The following SI variants were observed in gnomAD, a reference collection of about 807,000 sequenced individuals.
The protein encoded by SI is sucrase-isomaltase.
In SI, 235 loss-of-function variants were observed where a neutral mutation model predicts 253.3. The ratio of observed to expected loss-of-function variants is 0.93; its 90% CI spans 0.83 to 1.03. The LOEUF (loss-of-function observed/expected upper bound fraction) is 1.03. SI is among the 50% of genes least tolerant of loss of function. The pLI is 0.00. For missense variants in SI, 2,442 were observed against 2,211.1 expected, an observed-to-expected ratio of 1.10 and a Z score of -2.09; for synonymous variants, 819 against 712.0, an observed-to-expected ratio of 1.15 and a Z score of -2.39.
At chr3:165,068,672 C>T in intron 5 of SI, 50 bp downstream of exon 5, 1 of 1,345,734 alleles carries the variant, frequency 7.4e-7, no homozygotes, top group Non-Finnish European at 1.1e-6. Context: ...CGCGCCCAGC[C>T]CATCAAATGT....
At chr3:165,028,970 C>T (rs770700790) in intron 25 of SI, among the ~76,000 whole-genome samples, 8 of 151,486 alleles carry the variant, frequency 5.3e-5, no homozygotes, top group Non-Finnish European at 1.2e-4. Context: ...AAGGAACAGT[C>T]AGCAGAGTAA....
At chr3:165,004,533 A>G (rs530133769) in intron 37 of SI, among the ~76,000 whole-genome samples, 11 of 152,164 alleles carry the variant, frequency 7.2e-5, no homozygotes, top group Non-Finnish European at 1.5e-4. Flanking sequence ...CAAGTTTGGA[A>G]GCACCTTTAG....
At chr3:165,029,084 A>G (rs539941778) in intron 25 of SI, among the ~76,000 whole-genome samples, 2 of 151,444 alleles carry the variant, frequency 1.3e-5, no homozygotes, top group Non-Finnish European at 1.5e-5. Context: ...GCAGGAAAAA[A>G]CAAACAAACA....
In SI at chr3:165,024,282, C is replaced by G. The variant is rs551370948; in HGVS notation, c.2893-506G>C. On this transcript the variant is annotated intron_variant, in intron 25 of 47. Coordinates refer to ENST00000264382, the MANE Select transcript of SI (RefSeq NM_001041.4). ...CTGACCTGGATTTGAAATAGGAACC[C>G]TGGCCAAGAATCAGAGTTGATTGGT... Among the ~76,000 whole-genome samples, 9 of 151,104 alleles carry G rather than the reference C, an allele frequency of 6.0e-5. No homozygotes were observed. The Admixed American group carries it at 6.0e-4, about 10-fold the overall frequency.
intron 13 of SI, 61 bp downstream of exon 13, chr3:165,055,133 T>G (rs1713633269): frequency 1.0e-6 from 1 of 969,764 alleles, no homozygotes; most frequent in African/African-American, 1.6e-5. Flanking sequence ...CTTAGTAATT[T>G]TTACAGATAA....
intron 5 of SI, 68 bp from the exon 6 acceptor site, chr3:165,067,559 T>C (rs1008291056): frequency 1.5e-6 from 2 of 1,305,388 alleles, no homozygotes; most frequent in Non-Finnish European, 2.2e-6. Flanking sequence ...AGTTCTGAAT[T>C]ATTAAATGCA....
chr3:165,020,486 A>T (rs927841772), intron 27 of SI, among the ~76,000 whole-genome samples: 3 of 151,658 alleles, frequency 2.0e-5, no homozygotes, highest in African/African-American at 7.2e-5. Flanking sequence ...AATGACAATA[A>T]ATAATGCCCT....
At chr3:165,059,438 A>G (rs1454499118) in intron 10 of SI, 139 bp from the exon 11 acceptor site, 2 of 846,744 alleles carry the variant, frequency 2.4e-6, no homozygotes, top group Non-Finnish European at 3.8e-6. Context: ...CATTTCACTA[A>G]AGAAGCAATT....
intron 19 of SI, 26 bp from the exon 20 acceptor site, chr3:165,039,160 T>C: frequency 6.1e-6 from 9 of 1,464,122 alleles, no homozygotes; most frequent in Non-Finnish European, 8.6e-6. Context: ...TATGTATTTT[T>C]TAATTTCAAT....
chr3:165,043,271 A>G, intron 16 of SI, 96 bp from the exon 17 acceptor site: 1 of 810,334 alleles, frequency 1.2e-6, no homozygotes, highest in Admixed American at 2.1e-5. Flanking sequence ...TGTGCCTTAT[A>G]TACAATTTGT....
upstream of SI, among the ~76,000 whole-genome samples, chr3:165,079,862 A>T (rs190188479): frequency 1.1e-4 from 16 of 151,990 alleles, no homozygotes; most frequent in Admixed American, 7.9e-4. Flanking sequence ...AATGTTGATG[A>T]AAAAGTTAAA....
chr3:165,045,000 C>T (rs1713033187), intron 16 of SI, among the ~76,000 whole-genome samples: 3 of 151,980 alleles, frequency 2.0e-5, no homozygotes, highest in Admixed American at 2.0e-4. Flanking sequence ...ATAGTTGATA[C>T]TTCCCTTCAC....
intron 46 of SI, 126 bp downstream of exon 46, chr3:164,982,876 C>T (rs1717257651): frequency 2.1e-5 from 18 of 858,280 alleles, no homozygotes; most frequent in Non-Finnish European, 3.1e-5. Context: ...GTCTTGAACC[C>T]CTGGCCTCAA....
chr3:165,000,351 G>A (rs1206160401), intron 37 of SI, among the ~76,000 whole-genome samples: 1 of 132,566 alleles, frequency 7.5e-6, no homozygotes, highest in South Asian at 2.7e-4. Context: ...TGGGCACAAA[G>A]TTACAGTTAG....
intron 31 of SI, 23 bp from the exon 32 acceptor site, chr3:165,016,103 A>C: frequency 6.2e-7 from 1 of 1,605,200 alleles, no homozygotes; most frequent in Non-Finnish European, 8.5e-7. Context: ...AAAATTATCA[A>C]AGTAGGGCAA....
chr3:164,997,582 G>A (rs1322041050), intron 38 of SI, among the ~76,000 whole-genome samples: 1 of 151,170 alleles, frequency 6.6e-6, no homozygotes, highest in African/African-American at 2.4e-5. Context: ...AGATTATTTT[G>A]TCACCCAGAT....
At chr3:165,077,541 T>C (rs894737749) in intron 1 of SI, among the ~76,000 whole-genome samples, 2 of 151,676 alleles carry the variant, frequency 1.3e-5, no homozygotes, top group Non-Finnish European at 3.0e-5. Flanking sequence ...TCCAGATATG[T>C]AAGCTGTTTA....
chr3:165,037,309 A>T (rs78380226), intron 21 of SI, among the ~76,000 whole-genome samples: 1 of 151,946 alleles, frequency 6.6e-6, no homozygotes, highest in Non-Finnish European at 1.5e-5. Flanking sequence ...CAGAATAGGG[A>T]AAAGTATGTA....
intron 38 of SI, among the ~76,000 whole-genome samples, chr3:164,997,873 T>C (rs1166723279): frequency 2.6e-5 from 4 of 151,880 alleles, no homozygotes; most frequent in Admixed American, 2.0e-4. Flanking sequence ...ACATTTTCTT[T>C]ATTCAGTCTA....
Sources: allele counts gnomAD v4.1 joint callset (sites outside exome capture counted in the v4.1 genomes callset), GRCh38; gene constraint gnomAD v4.1.1; transcripts MANE v1.5; gene names NCBI Gene and HGNC (gene_info 2026-07-23, HGNC 2026-07-21).